Variants in RAC2 observed in about 807,000 individuals in gnomAD.
RAC2 encodes Rac family small GTPase 2, also known as ras-related C3 botulinum toxin substrate 2.
In RAC2, 1 loss-of-function variant was observed where a neutral mutation model predicts 24.0. That is an observed-to-expected ratio of 0.04 (90% CI 0.01 to 0.20). The LOEUF (loss-of-function observed/expected upper bound fraction) is 0.20, where lower values mean the gene tolerates loss of function less well. RAC2 is among the 10% of genes least tolerant of loss of function. The pLI is 1.00. For synonymous variants in RAC2, 114 were observed against 106.8 expected (o/e 1.07, Z -0.41); for missense variants, 130 against 259.1 (o/e 0.50, Z 3.42).
Position 37,231,117 on chromosome 22 carries a change from G to T in RAC2, c.448+114C>A. Reference sequence around the variant, plus strand: ...GGTCACACAGCAAGTGCACAGCACAGCTGAGTTCAAACTGCACAGCCTGGC... The same window carrying T: ...GGTCACACAGCAAGTGCACAGCACATCTGAGTTCAAACTGCACAGCCTGGC... On this transcript the variant is annotated intron_variant, in intron 5 of 6. Coordinates refer to ENST00000249071, the MANE Select transcript of RAC2 (RefSeq NM_002872.5). This position sits in a 1 kb window ranked among gnomAD's most constrained non-coding sequence, Gnocchi z 5.5. 1 of 1,297,064 alleles carries T rather than the reference G, an allele frequency of 7.7e-7. No individual in the cohort carries two copies. Among genetic ancestry groups the T allele is most frequent in the Non-Finnish European group, 1.1e-6 (1 of 906,098 alleles). The allele number at this position is 1,297,064 out of a possible 1,614,324, so 80.3% of individuals were successfully genotyped here.
At chr22:37,237,259 C>T (rs541129979) in intron 2 of RAC2, among the ~76,000 whole-genome samples, 25 of 147,380 alleles carry the variant, frequency 1.7e-4, no homozygotes, top group African/African-American at 6.3e-4. Flanking sequence ...GAGGGACCCT[C>T]TTGGAGAAGT....
At chr22:37,238,349 A>G (rs749725066) in intron 2 of RAC2, among the ~76,000 whole-genome samples, 5 of 151,818 alleles carry the variant, frequency 3.3e-5, no homozygotes, top group Non-Finnish European at 4.4e-5. Flanking sequence ...CGATCCTCCC[A>G]CCTCAGTCTC....
At chr22:37,226,834 G>A (rs773684818) in intron 5 of RAC2, 31 bp from the exon 6 acceptor site, 21 of 1,603,528 alleles carry the variant, frequency 1.3e-5, no homozygotes, top group Non-Finnish European at 1.8e-5. Flanking sequence ...GAGAGCCAAG[G>A]CCTAAGTGGC....
At chr22:37,230,014 G>T (rs1338759276) in intron 5 of RAC2, among the ~76,000 whole-genome samples, 1 of 152,210 alleles carries the variant, frequency 6.6e-6, no homozygotes, top group Non-Finnish European at 1.5e-5. Flanking sequence ...GCAGGGGTTG[G>T]AGGGGTGCTG....
At chr22:37,233,256 T>C (rs2145825310) in intron 2 of RAC2, among the ~76,000 whole-genome samples, 2 of 151,272 alleles carry the variant, frequency 1.3e-5, no homozygotes, top group South Asian at 4.2e-4. Flanking sequence ...ATGCTGCCAC[T>C]CAATGTTTGC....
At position 37,227,628 on chromosome 22, in the gene RAC2, C is replaced by A. The variant is rs1183438020; in HGVS notation, c.449-825G>T. ...CCATACACCCCTCCCACGCCATACA[C>A]CCCTCCTATGCCATACAACCCCTCC... On this transcript the variant is annotated intron_variant, in intron 5 of 6. Transcript: ENST00000249071. Among the ~76,000 whole-genome samples, 6 of 115,344 alleles carry A rather than the reference C, an allele frequency of 5.2e-5. No individual in the cohort carries two copies. The South Asian group carries it at 1.5e-3, about 29-fold the overall frequency. 75.7% of individuals were successfully genotyped at this position (115,344 alleles called of 152,430 possible).
rs1601679128 is a variant in RAC2, at chr22:37,244,231, T to G, written c.-83A>C. On this transcript the variant is annotated 5_prime_UTR_variant, in exon 1 of 7. Transcript: ENST00000249071. Reference sequence around the variant, plus strand: ...CGGGCGCAAGGGGTGTGGAGGCTGGTGAGGCGCCTGCTGAGGAGCAGCGGT... The same window carrying G: ...CGGGCGCAAGGGGTGTGGAGGCTGGGGAGGCGCCTGCTGAGGAGCAGCGGT... 3 of 1,505,142 alleles carry G rather than the reference T, an allele frequency of 2.0e-6. No homozygotes were observed. The South Asian group carries it at 3.5e-5, about 17-fold the overall frequency. The allele number at this position is 1,505,142 out of a possible 1,614,324, so 93.2% of individuals were successfully genotyped here.
At position 37,244,022 on chromosome 22, in the gene RAC2, G is replaced by A. The variant is rs1927485896; in HGVS notation, c.35+92C>T. 3.2e-6 allele frequency: 5 copies of A among 1,549,336 alleles called. No individual in the cohort carries two copies. The South Asian group carries it at 5.6e-5, about 17-fold the overall frequency. ...CTGCCTTCCAGGGACGCCTAGTTCTGCAGGGCCAGGGGCTTCCCCAGGGGC... is the reference window on the plus strand; with the variant it reads ...CTGCCTTCCAGGGACGCCTAGTTCTACAGGGCCAGGGGCTTCCCCAGGGGC... On this transcript the variant is annotated intron_variant, in intron 1 of 6. Transcript: ENST00000249071.
At chr22:37,241,764 G>A in intron 1 of RAC2, 106 bp from the exon 2 acceptor site, 1 of 973,114 alleles carries the variant, frequency 1.0e-6, no homozygotes, top group Non-Finnish European at 1.6e-6. Context: ...ACCCAGCCTA[G>A]CCCTCTGGGC....
intron 2 of RAC2, among the ~76,000 whole-genome samples, chr22:37,233,251 G>A (rs879291093): frequency 2.0e-5 from 3 of 151,544 alleles, no homozygotes; most frequent in Non-Finnish European, 4.4e-5. Flanking sequence ...TCCCTATGCT[G>A]CCACTCAATG....
At chr22:37,232,682 A>C (rs1324836545) in intron 3 of RAC2, 119 bp downstream of exon 3, 1 of 804,046 alleles carries the variant, frequency 1.2e-6, no homozygotes, top group Non-Finnish European at 2.1e-6. Flanking sequence ...AGACTCCCTG[A>C]GCTGGGCCTT....
intron 2 of RAC2, 101 bp downstream of exon 2, chr22:37,241,486 C>G (rs763978366): frequency 8.0e-7 from 1 of 1,249,160 alleles, no homozygotes; most frequent in Non-Finnish European, 1.2e-6. Flanking sequence ...GCTGTGGGTG[C>G]CCACACAGGG....
chr22:37,241,555 T>C (rs778871264), intron 2 of RAC2, 32 bp downstream of exon 2: 2 of 1,595,890 alleles, frequency 1.3e-6, no homozygotes, highest in Admixed American at 3.3e-5. Context: ...TCTCCCCTCC[T>C]CCCACCACCC....
Position 37,236,288 on chromosome 22 carries a change from G to C in RAC2, c.108-3370C>G, listed in dbSNP as rs562297468. Among the ~76,000 whole-genome samples, 211 of 152,220 alleles carry C rather than the reference G, an allele frequency of 1.4e-3. 2 individuals carry two copies. The highest frequency in any genetic ancestry group is 4.5e-3 in the Admixed American group (68 of 15,280). ...CACAGGGCCCCTCCCCAGAGGACCA[G>C]AGGGACAGGTGCAGGAATGTGTCAA... On this transcript the variant is annotated intron_variant, in intron 2 of 6. Coordinates refer to ENST00000249071, the MANE Select transcript of RAC2 (RefSeq NM_002872.5).
At position 37,226,844 on chromosome 22, in the gene RAC2, C is replaced by G. The variant is rs116118746; in HGVS notation, c.449-41G>C. The stretch of plus-strand genomic sequence containing the variant: ...GACAGGAGAGCCAAGGCCTAAGTGG[C>G]GGGGGGGGTTCTGGGCCAACATGTC... On this transcript the variant is annotated intron_variant, in intron 5 of 6. Coordinates refer to ENST00000249071, the MANE Select transcript of RAC2 (RefSeq NM_002872.5). 24,456 of 1,594,372 alleles carry G rather than the reference C, an allele frequency of 0.015. 2,947 individuals carry two copies. In the African/African-American group the frequency reaches 0.28, roughly 18 times the overall value.
rs1927063630 is a variant in RAC2, at chr22:37,231,573, A to G, written c.289-183T>C. On this transcript the variant is annotated intron_variant, in intron 4 of 6. Coordinates refer to ENST00000249071, the MANE Select transcript of RAC2 (RefSeq NM_002872.5). This position sits in a 1 kb window ranked among gnomAD's most constrained non-coding sequence, Gnocchi z 5.5. Reference sequence around the variant, plus strand: ...GGTGGCACAGGGAGGGGAGGCCACGACGTTGTGCAGGAAGGAGGGGGCGCA... The same window carrying G: ...GGTGGCACAGGGAGGGGAGGCCACGGCGTTGTGCAGGAAGGAGGGGGCGCA... 1.6e-6 allele frequency: 1 copy of G among 627,930 alleles called. No homozygotes were observed. Among genetic ancestry groups the G allele is most frequent in the Admixed American group, 2.7e-5 (1 of 36,564 alleles). 38.9% of individuals were successfully genotyped at this position (627,930 alleles called of 1,614,324 possible).
rs371278857 is a variant in RAC2 at position 37,238,522 on chromosome 22, G to A, written c.107+3065C>T. 1.8e-4 allele frequency among the ~76,000 whole-genome samples: 27 copies of A among 152,338 alleles called. No individual in the cohort carries two copies. In the South Asian group the frequency reaches 4.3e-3, roughly 25 times the overall value. On this transcript the variant is annotated intron_variant, in intron 2 of 6. Coordinates refer to ENST00000249071, the MANE Select transcript of RAC2 (RefSeq NM_002872.5). The stretch of plus-strand genomic sequence containing the variant: ...CCCAAAGTGCTGGGATTACAGGCAT[G>A]AGCCACGGCGCCCAGCCTAACTTTC...
At chr22:37,238,412 T>A (rs959584964) in intron 2 of RAC2, among the ~76,000 whole-genome samples, 5 of 152,042 alleles carry the variant, frequency 3.3e-5, no homozygotes, top group Non-Finnish European at 7.4e-5. Context: ...AATTTTTGTA[T>A]TTTTTGTAGA....
Position 37,230,234 on chromosome 22 carries a change from C to A in RAC2, c.448+997G>T, listed in dbSNP as rs1006571761. ...TCTCTTCCTGTGAAGAGATGTGAGT[C>A]CCCAGGGCCCTCCCAGTTCCGGCAG... On this transcript the variant is annotated intron_variant, in intron 5 of 6. Coordinates refer to ENST00000249071, the MANE Select transcript of RAC2 (RefSeq NM_002872.5). Among the ~76,000 whole-genome samples, 11 of 151,438 alleles carry A rather than the reference C, an allele frequency of 7.3e-5. No individual in the cohort carries two copies. In the East Asian group the frequency reaches 2.1e-3, roughly 29 times the overall value.
Sources: gnomAD v4.1 joint callset for allele counts (sites outside exome capture counted in the v4.1 genomes callset) on GRCh38, gnomAD v4.1.1 for gene constraint, Gnocchi (gnomAD v3.1) non-coding constraint, MANE v1.5 for transcripts, NCBI Gene and HGNC (gene_info 2026-07-23, HGNC 2026-07-21) for gene names.